MORC4: variants seen among roughly 807,000 people sequenced by gnomAD.
MORC4 encodes MORC family CW-type zinc finger protein 4.
MORC4 carries 22 observed loss-of-function variants against 65.5 expected under a neutral mutation model. The ratio of observed to expected loss-of-function variants is 0.34; its 90% confidence interval spans 0.24 to 0.48. The LOEUF (loss-of-function observed/expected upper bound fraction) is 0.48, where lower values mean the gene tolerates loss of function less well. Ranked by LOEUF, MORC4 falls within the 20% of genes least tolerant of loss-of-function variation. The pLI, the probability that MORC4 is intolerant of heterozygous loss-of-function variation, is 0.99. For missense variants in MORC4, 624 were observed against 703.0 expected (o/e 0.89, Z 1.27); for synonymous variants, 267 against 255.8 (o/e 1.04, Z -0.42).
At chrX:106,966,476 C>T (rs1465209631) in intron 9 of MORC4, among the ~76,000 whole-genome samples, 1 of 112,608 alleles carries the variant, frequency 8.9e-6, no homozygotes, top group African/African-American at 3.2e-5. Context: ...CAAAGCAGGG[C>T]GGGGCATCAC....
At chrX:106,976,090 T>C (rs1269187339) in intron 9 of MORC4, among the ~76,000 whole-genome samples, 1 of 111,678 alleles carries the variant, frequency 9.0e-6, no homozygotes, top group Non-Finnish European at 1.9e-5. Context: ...TCAGCCATAA[T>C]GTCGAGTTCC....
At chrX:106,965,859 G>A (rs1346645513) in intron 9 of MORC4, among the ~76,000 whole-genome samples, 1 of 112,254 alleles carries the variant, frequency 8.9e-6, no homozygotes, top group Non-Finnish European at 1.9e-5. Context: ...TGCTAGTGAA[G>A]GCTCAGAAGG....
At chrX:106,997,783 T>G (rs1935106121) in intron 2 of MORC4, among the ~76,000 whole-genome samples, 1 of 111,651 alleles carries the variant, frequency 9.0e-6, no homozygotes, top group African/African-American at 3.3e-5. Context: ...TTGTTCCTTT[T>G]GCCTGGAATT....
In MORC4 at chrX:106,995,860, C is replaced by G. The variant is rs1311404137; in HGVS notation, c.176-2498G>C. Among the ~76,000 whole-genome samples, 3 of 112,264 alleles carry G rather than the reference C, an allele frequency of 2.7e-5. No homozygotes were observed. The East Asian group carries it at 8.4e-4, about 31-fold the overall frequency. On this transcript the variant is annotated intron_variant, in intron 2 of 16. Transcript: ENST00000355610. ...CATTACACAGCTGCCTACACTGTTT[C>G]AAGAACCTTTACTCGCCAAGCAGGC...
intron 7 of MORC4, 31 bp from the exon 8 acceptor site, chrX:106,978,230 T>C (rs373286316): frequency 4.3e-6 from 5 of 1,173,902 alleles, no homozygotes; most frequent in Admixed American, 5.0e-5. Context: ...GAGACAAACA[T>C]ACCAGGGGCT....
chrX:106,977,350 T>C (rs1934646343), intron 8 of MORC4, among the ~76,000 whole-genome samples: 1 of 111,678 alleles, frequency 9.0e-6, no homozygotes, highest in Non-Finnish European at 1.9e-5. Flanking sequence ...AAACGAGCTA[T>C]CCTGGGCTTT....
At chrX:106,958,962 T>C (rs774659924) in intron 10 of MORC4, among the ~76,000 whole-genome samples, 1 of 111,617 alleles carries the variant, frequency 9.0e-6, no homozygotes, top group African/African-American at 3.3e-5. Flanking sequence ...CATGGAAGCA[T>C]TGCCATTAAA....
intron 7 of MORC4, among the ~76,000 whole-genome samples, chrX:106,979,523 T>C (rs1353845172): frequency 1.8e-5 from 2 of 111,226 alleles, no homozygotes; most frequent in Non-Finnish European, 3.8e-5. Flanking sequence ...GAAGTGGCCT[T>C]TGATAATTGA....
chrX:106,950,796 G>C (rs1378623237), intron 14 of MORC4, among the ~76,000 whole-genome samples: 1 of 111,661 alleles, frequency 9.0e-6, no homozygotes, highest in African/African-American at 3.3e-5. Flanking sequence ...AATGAGCTAG[G>C]GGATGAGGGA....
intron 9 of MORC4, among the ~76,000 whole-genome samples, chrX:106,966,499 C>T (rs776368444): frequency 1.2e-4 from 13 of 112,643 alleles, no homozygotes; most frequent in Non-Finnish European, 2.1e-4. Context: ...CACGGGGAAA[C>T]GCAAGAGGTC....
chrX:106,942,141 G>T lies in MORC4; in HGVS notation c.2457C>A (p.Thr819=). 8.3e-7 allele frequency: 1 copy of T among 1,210,846 alleles called. No individual in the cohort carries two copies. Residue 819 remains threonine (T), a synonymous_variant, in exon 16 of 17, where the codon ACC becomes ACA. Coordinates refer to ENST00000355610, the MANE Select transcript of MORC4 (RefSeq NM_024657.5). ...KVQHELVIYS[T]QEAEGLYWSK... is the part of the protein sequence containing the mutation. ...TCCAGTACAAGCCTTCCGCCTCCTGGGTACTGTAGATCACCAATTCATGTT... is the reference window on the plus strand; with the variant it reads ...TCCAGTACAAGCCTTCCGCCTCCTGTGTACTGTAGATCACCAATTCATGTT...
At chrX:106,993,046 G>A (rs1231968864) in intron 3 of MORC4, among the ~76,000 whole-genome samples, 184 bp downstream of exon 3, 1 of 112,726 alleles carries the variant, frequency 8.9e-6, no homozygotes, top group African/African-American at 3.2e-5. Context: ...TTGCCAGCTA[G>A]GCTGAAAGCT....
In MORC4 at chrX:106,942,998, T is replaced by C. The variant is rs1484282057; in HGVS notation, c.1893A>G (p.Glu631=). The C allele has an allele frequency of 8.3e-7, 1 of 1,211,091 alleles. No individual in the cohort carries two copies. Among genetic ancestry groups the C allele is most frequent in the Non-Finnish European group, 1.1e-6 (1 of 895,240 alleles). The stretch of plus-strand genomic sequence containing the variant: ...TATTCTGACCTGTATTCTTGCTTGC[T>C]TCTGGGTATTCTGGGAAAAGGTATG... ...TPPYLFPEYP[E]ASKNTGQNRE... The change falls in exon 15 of 17, where the codon GAA becomes GAG. Residue 631 remains glutamate, a synonymous_variant. Transcript: ENST00000355610.
At chrX:106,983,755 A>T (rs1934796339) in intron 5 of MORC4, among the ~76,000 whole-genome samples, 1 of 105,377 alleles carries the variant, frequency 9.5e-6, no homozygotes, top group Non-Finnish European at 1.9e-5. Flanking sequence ...TTTGTTGCCC[A>T]GGCTGGTCTC....
chrX:106,962,649 A>G (rs1934278438), intron 9 of MORC4, among the ~76,000 whole-genome samples: 1 of 111,999 alleles, frequency 8.9e-6, no homozygotes, highest in Non-Finnish European at 1.9e-5. Context: ...TATGGTGCCC[A>G]TGAACAAGCA....
rs754842058 is a variant in MORC4, at chrX:106,958,462, T to C, written c.1259A>G (p.Lys420Arg). ...ETSTVARPIP[K>R]VPDQTWVQCD... ...CTGAACCCATGTCTGGTCAGGAACC[T>C]TCCTGAATGAAGGAAAATGGAAGTG... The change falls in exon 11 of 17, where the codon AAG (lysine) becomes AGG (arginine). Residue 420 changes from lysine (K) to arginine (R), a missense_variant and splice_region_variant. Coordinates refer to ENST00000355610, the MANE Select transcript of MORC4 (RefSeq NM_024657.5). 36 of 1,201,651 alleles carry C rather than the reference T, an allele frequency of 3.0e-5. No homozygotes were observed. In the South Asian group the frequency reaches 6.4e-4, roughly 21 times the overall value.
At position 106,941,537 on chromosome X, in the gene MORC4, G is replaced by A. The variant is rs758497821; in HGVS notation, c.2756C>T (p.Ser919Leu). 1.7e-6 allele frequency: 2 copies of A among 1,210,046 alleles called. No individual in the cohort carries two copies. The highest frequency in any genetic ancestry group is 2.2e-6 in the Non-Finnish European group (2 of 894,173). ...GTACAGGATCCCATCCACTTGTTCT[G>A]AGTCATACCCGATCTCACGAAGCTC... The part of the protein sequence containing the change: ...HLELREIGYD[S>L]EQVDGILYTV... The change falls in exon 17 of 17, where the codon TCA becomes TTA. Residue 919 changes from serine to leucine, a missense_variant. Physicochemically the swap from Ser to Leu is moderately radical, Grantham distance 145. Coordinates refer to ENST00000355610, the MANE Select transcript of MORC4 (RefSeq NM_024657.5).
chrX:106,966,985 C>T (rs774291182), intron 9 of MORC4, among the ~76,000 whole-genome samples: 4 of 112,094 alleles, frequency 3.6e-5, no homozygotes, highest in South Asian at 7.5e-4. Context: ...GTTCTGATAA[C>T]GGACAGACTG....
intron 9 of MORC4, among the ~76,000 whole-genome samples, chrX:106,963,886 C>A (rs867380909): frequency 2.1e-4 from 21 of 100,427 alleles, no homozygotes; most frequent in Middle Eastern, 4.9e-3. Flanking sequence ...AAAACAACAA[C>A]AACAACAAAA....
Sources: gnomAD v4.1 joint callset for allele counts (sites outside exome capture counted in the v4.1 genomes callset) on GRCh38, gnomAD v4.1.1 for gene constraint, MANE v1.5 for transcripts, NCBI Gene and HGNC (gene_info 2026-07-23, HGNC 2026-07-21) for gene names.